Variants in DOCK9 observed in about 807,000 individuals in gnomAD.
The protein encoded by DOCK9 is dedicator of cytokinesis 9, also known as dedicator of cytokinesis protein 9.
A neutral mutation model predicts 263.3 loss-of-function variants in DOCK9; 89 were observed. That is an observed-to-expected ratio of 0.34 (90% CI 0.28 to 0.40). The LOEUF (loss-of-function observed/expected upper bound fraction) is 0.40. Among genes scored for constraint, DOCK9 ranks in the 10% least tolerant of loss-of-function variants. The pLI is 1.00. For missense variants in DOCK9, 2,140 were observed against 2,603.4 expected, an observed-to-expected ratio of 0.82 and a Z score of 3.87; for synonymous variants, 976 against 973.1, an observed-to-expected ratio of 1.00 and a Z score of -0.06.
chr13:99,086,167 C>A (rs2042333542), intron 1 of DOCK9: 3 of 1,432,620 alleles, frequency 2.1e-6, no homozygotes, highest in African/African-American at 3.0e-5. Context: ...GCCCGGGGCC[C>A]GCAGCTGCCT....
At chr13:98,796,960 G>T in intron 52 of DOCK9, 155 bp downstream of exon 52, 1 of 771,578 alleles carries the variant, frequency 1.3e-6, no homozygotes. Context: ...GTTCCCAAAT[G>T]ACCTGGGGCT....
intron 1 of DOCK9, among the ~76,000 whole-genome samples, chr13:99,075,640 C>T (rs1310972750): frequency 3.3e-5 from 5 of 151,736 alleles, no homozygotes; most frequent in African/African-American, 1.2e-4. Flanking sequence ...GCTGTGATTA[C>T]AGGTGTTAGC....
chr13:98,925,782 C>G lies in DOCK9; in HGVS notation c.416+55G>C. 10 of 1,267,922 alleles carry G rather than the reference C, an allele frequency of 7.9e-6. No individual in the cohort carries two copies. In the South Asian group the frequency reaches 1.4e-4, roughly 18 times the overall value. 78.5% of individuals were successfully genotyped at this position (1,267,922 alleles called of 1,614,324 possible). On this transcript the variant is annotated intron_variant, in intron 4 of 52. Transcript: ENST00000682017. The stretch of plus-strand genomic sequence containing the variant: ...TGCATATGAAGTTACATACCTCCCC[C>G]CAAGCATTTCAAGTACAAAGACTTT...
At chr13:98,882,613 T>A (rs182621107) in intron 23 of DOCK9, among the ~76,000 whole-genome samples, 7 of 149,048 alleles carry the variant, frequency 4.7e-5, no homozygotes, top group Non-Finnish European at 7.5e-5. Flanking sequence ...TGCACAAAGC[T>A]GGGACTGGTT....
At chr13:99,021,532 G>A (rs1367384020) in intron 1 of DOCK9, among the ~76,000 whole-genome samples, 2 of 151,620 alleles carry the variant, frequency 1.3e-5, no homozygotes, top group Admixed American at 6.6e-5. Flanking sequence ...CCAGCTACTC[G>A]GGAGGCTGAG....
At chr13:99,040,713 T>C (rs1407907528) in intron 1 of DOCK9, among the ~76,000 whole-genome samples, 1 of 151,812 alleles carries the variant, frequency 6.6e-6, no homozygotes, top group Non-Finnish European at 1.5e-5. Flanking sequence ...CCTACAGGAG[T>C]CCACGACAAC....
In DOCK9 at chr13:98,883,919, A is replaced by G. The variant is rs962313780; in HGVS notation, c.2383-20T>C. 1 of 1,552,798 alleles carries G rather than the reference A, an allele frequency of 6.4e-7. No individual in the cohort carries two copies. Among genetic ancestry groups the G allele is most frequent in the Non-Finnish European group, 8.8e-7 (1 of 1,132,780 alleles). On this transcript the variant is annotated intron_variant, in intron 21 of 52. Transcript: ENST00000682017. ...ATAATGCTAAAAAAAATATGGAAGAAACAATATCCCTACAGATTAGTTATT... is the reference window on the plus strand; with the variant it reads ...ATAATGCTAAAAAAAATATGGAAGAGACAATATCCCTACAGATTAGTTATT...
At chr13:98,988,596 T>A (rs188412292) in intron 1 of DOCK9, among the ~76,000 whole-genome samples, 12 of 152,308 alleles carry the variant, frequency 7.9e-5, no homozygotes, top group Non-Finnish European at 1.6e-4. Flanking sequence ...TCAACACCCA[T>A]TTTTAAAGGT....
chr13:98,866,644 C>T (rs2094033548), intron 30 of DOCK9, among the ~76,000 whole-genome samples: 1 of 152,144 alleles, frequency 6.6e-6, no homozygotes, highest in African/African-American at 2.4e-5. Context: ...CAACTCTCTT[C>T]AAACGTAAAA....
At chr13:98,950,363 G>T (rs2057269138) in intron 2 of DOCK9, 7 of 927,218 alleles carry the variant, frequency 7.5e-6, no homozygotes, top group African/African-American at 6.7e-5. Flanking sequence ...TGCTTTGCCT[G>T]AGTGGCTTTG....
intron 1 of DOCK9, chr13:99,086,211 T>A: frequency 6.7e-7 from 1 of 1,492,040 alleles, no homozygotes; most frequent in South Asian, 1.2e-5. Flanking sequence ...CCCGCGGTCG[T>A]CCCGCACTCA....
chr13:98,985,057 G>GAAGA (rs1458077904), intron 1 of DOCK9, among the ~76,000 whole-genome samples: 1 of 128,484 alleles, frequency 7.8e-6, no homozygotes, highest in Non-Finnish European at 1.6e-5. Flanking sequence ...TATCAGTGAA[G>GAAGA]AAGACTATGG....
chr13:99,075,539 T>C (rs942253183), intron 1 of DOCK9, among the ~76,000 whole-genome samples: 1 of 151,880 alleles, frequency 6.6e-6, no homozygotes, highest in African/African-American at 2.4e-5. Flanking sequence ...TTCCTTTTTT[T>C]CTTTTTTTTA....
chr13:98,794,663 A>C lies in DOCK9; in HGVS notation c.6242T>G (p.Met2081Arg). 1.9e-6 allele frequency: 3 copies of C among 1,613,394 alleles called. No homozygotes were observed. Among genetic ancestry groups the C allele is most frequent in the Non-Finnish European group, 2.5e-6 (3 of 1,179,690 alleles). ...NAISGTPTST[M>R]VHGMTSSSSV... Reference sequence around the variant, plus strand: ...AGACGAGCTGGTCATCCCGTGAACCATTGTGCTTGTTGGAGTCCCACTGAT... The same window carrying C: ...AGACGAGCTGGTCATCCCGTGAACCCTTGTGCTTGTTGGAGTCCCACTGAT... Residue 2081 changes from methionine (M) to arginine (R), a missense_variant, in exon 53 of 53, where the codon ATG becomes AGG. Physicochemically the swap from Met to Arg is moderately conservative, Grantham distance 91 (BLOSUM62 -1). Around this residue, in one of 2 missense-constraint regions of DOCK9, gnomAD observed 619 missense variants for 861.8 expected, o/e 0.72. Transcript: ENST00000682017.
In DOCK9 at chr13:98,880,537, C is replaced by A; in HGVS notation, c.2871+10G>T. ...TTTCAATCAGAGCCACACTGACTCTCCTGACATACCTTCAGTAGTTTGTTG... is the reference window on the plus strand; with the variant it reads ...TTTCAATCAGAGCCACACTGACTCTACTGACATACCTTCAGTAGTTTGTTG... On this transcript the variant is annotated intron_variant, in intron 26 of 52. Coordinates refer to ENST00000682017, the MANE Select transcript of DOCK9 (RefSeq NM_001366683.2). 6.2e-7 allele frequency: 1 copy of A among 1,613,768 alleles called. No individual in the cohort carries two copies.
intron 7 of DOCK9, among the ~76,000 whole-genome samples, chr13:98,919,950 T>C (rs139130819): frequency 8.2e-4 from 125 of 152,338 alleles, no homozygotes; most frequent in South Asian, 4.3e-3. Context: ...TGCTATCCCA[T>C]GTCCTGTGTA....
intron 1 of DOCK9, among the ~76,000 whole-genome samples, chr13:99,006,099 T>C (rs1383137115): frequency 6.6e-6 from 1 of 152,088 alleles, no homozygotes; most frequent in Non-Finnish European, 1.5e-5. Context: ...ATAAGTACCA[T>C]AAAGAAATTA....
intron 1 of DOCK9, among the ~76,000 whole-genome samples, chr13:98,986,611 T>A (rs915337843): frequency 1.3e-5 from 2 of 152,176 alleles, no homozygotes; most frequent in African/African-American, 4.8e-5. Flanking sequence ...TAAAATAATA[T>A]CATCAGCAGC....
intron 1 of DOCK9, among the ~76,000 whole-genome samples, chr13:99,019,726 T>C (rs1238343908): frequency 6.6e-6 from 1 of 152,100 alleles, no homozygotes; most frequent in African/African-American, 2.4e-5. Context: ...CTAAAGCAAA[T>C]GTGGCCAAGT....
Sources: allele counts gnomAD v4.1 joint callset (sites outside exome capture counted in the v4.1 genomes callset), GRCh38; gene constraint gnomAD v4.1.1; regional missense constraint gnomAD v4.1.1; transcripts MANE v1.5; gene names NCBI Gene and HGNC (gene_info 2026-07-23, HGNC 2026-07-21).